FER: variants seen among roughly 807,000 people sequenced by gnomAD.
FER encodes the protein tyrosine-protein kinase Fer.
A neutral mutation model predicts 111.0 loss-of-function variants in FER; 63 were observed. The ratio of observed to expected loss-of-function variants is 0.57; its 90% CI spans 0.46 to 0.70. FER has a LOEUF of 0.70. FER is among the 30% of genes least tolerant of loss of function. FER has a pLI of 0.00. For missense variants in FER, 914 were observed against 954.0 expected (o/e 0.96, Z 0.55); for synonymous variants, 327 against 313.9 (o/e 1.04, Z -0.44).
intron 2 of FER, among the ~76,000 whole-genome samples, chr5:108,777,447 T>C (rs1753614880): frequency 6.6e-6 from 1 of 152,192 alleles, no homozygotes; most frequent in Admixed American, 6.5e-5. Flanking sequence ...CCCCAAAGAC[T>C]GTAGTTTACA....
chr5:108,865,843 C>T (rs1485241668), intron 5 of FER, among the ~76,000 whole-genome samples: 1 of 152,142 alleles, frequency 6.6e-6, no homozygotes, highest in Non-Finnish European at 1.5e-5. Flanking sequence ...AAATGCTCAC[C>T]ATCACTGGCC....
In FER at chr5:108,963,174, T is replaced by C. The variant is rs576581286; in HGVS notation, c.1656+3827T>C. On this transcript the variant is annotated intron_variant, in intron 13 of 19. Transcript: ENST00000281092. ...ATTTAAATGACACTTTTGGAAGATA[T>C]TTGCTTTGTTAAGTTTAATATTTCT... 1.3e-4 allele frequency among the ~76,000 whole-genome samples: 20 copies of C among 152,308 alleles called. No homozygotes were observed. In the East Asian group the frequency reaches 3.9e-3, roughly 29 times the overall value.
At chr5:109,168,886 CA>C in intron 17 of FER, among the ~76,000 whole-genome samples, 1 of 152,254 alleles carries the variant, frequency 6.6e-6, no homozygotes, top group Non-Finnish European at 1.5e-5. Flanking sequence ...ATAAATTTGC[CA>C]AATTCTTCCA....
chr5:108,938,658 A>G (rs993987516), intron 10 of FER, among the ~76,000 whole-genome samples: 1 of 152,006 alleles, frequency 6.6e-6, no homozygotes, highest in African/African-American at 2.4e-5. Context: ...AAGAGAGAAG[A>G]GAAGAGAAGA....
At chr5:108,763,393 G>T (rs1194766206) in intron 1 of FER, among the ~76,000 whole-genome samples, 1 of 152,148 alleles carries the variant, frequency 6.6e-6, no homozygotes, top group East Asian at 1.9e-4. Flanking sequence ...AATGTGATGA[G>T]GGCCAGGTGT....
chr5:108,906,639 G>A (rs953859072), intron 10 of FER, among the ~76,000 whole-genome samples: 3 of 151,640 alleles, frequency 2.0e-5, no homozygotes, highest in Non-Finnish European at 2.9e-5. Context: ...TTTACATGAT[G>A]CAATTTTTAT....
chr5:109,035,463 C>T (rs1192500895), intron 13 of FER, among the ~76,000 whole-genome samples: 2 of 152,156 alleles, frequency 1.3e-5, no homozygotes, highest in African/African-American at 4.8e-5. Flanking sequence ...TTGTATGCAT[C>T]TGTAGTAAGT....
intron 13 of FER, among the ~76,000 whole-genome samples, chr5:109,000,829 C>A (rs1315363661): frequency 3.3e-5 from 5 of 152,066 alleles, no homozygotes; most frequent in Non-Finnish European, 7.4e-5. Context: ...GATATCACCA[C>A]CTGTCCCACA....
chr5:108,872,556 A>G lies in FER; in HGVS notation c.923+344A>G, dbSNP rs891467919. Among the ~76,000 whole-genome samples, 3 of 152,100 alleles carry G rather than the reference A, an allele frequency of 2.0e-5. No homozygotes were observed. In the East Asian group the frequency reaches 5.8e-4, roughly 29 times the overall value. The stretch of plus-strand genomic sequence containing the variant: ...AACCATTTTGGAAATTAGGTTGTTT[A>G]CTGTTAGAGATAAGAGACTTATTGA... On this transcript the variant is annotated intron_variant, in intron 8 of 19. Transcript: ENST00000281092.
At chr5:108,772,038 GTTC>G (rs1261856809) in intron 2 of FER, among the ~76,000 whole-genome samples, 1 of 152,140 alleles carries the variant, frequency 6.6e-6, no homozygotes, top group Non-Finnish European at 1.5e-5. Flanking sequence ...GAGAAGGCTT[GTTC>G]TTCATAGTTT....
intron 16 of FER, among the ~76,000 whole-genome samples, chr5:109,064,576 A>T (rs926371572): frequency 1.1e-4 from 17 of 152,132 alleles, no homozygotes; most frequent in African/African-American, 4.1e-4. Flanking sequence ...TTAAGTTTTC[A>T]TGGTACATTT....
chr5:108,993,658 CGAGGGT>C (rs760712853), intron 13 of FER, among the ~76,000 whole-genome samples: 319 of 117,570 alleles, frequency 2.7e-3, no homozygotes, highest in African/African-American at 8.6e-3. Context: ...AGGGCGAGGG[CGAGGGT>C]GAGGGAGAGG....
At chr5:108,840,718 C>T (rs978018791) in intron 5 of FER, among the ~76,000 whole-genome samples, 4 of 152,084 alleles carry the variant, frequency 2.6e-5, no homozygotes, top group South Asian at 2.1e-4. Context: ...TCATAGATGA[C>T]GATGTATACT....
chr5:109,158,246 G>T (rs992581166), intron 17 of FER, among the ~76,000 whole-genome samples: 3 of 151,846 alleles, frequency 2.0e-5, no homozygotes, highest in Admixed American at 2.0e-4. Context: ...AGCCGGGCTT[G>T]GTGGCACATG....
chr5:109,145,930 A>G (rs564096129), intron 17 of FER, among the ~76,000 whole-genome samples: 118 of 151,640 alleles, frequency 7.8e-4, no homozygotes, highest in Admixed American at 2.5e-3. Flanking sequence ...ATTATTTAAA[A>G]AAAAAATCAA....
chr5:108,810,390 C>G (rs1038396775), intron 3 of FER, among the ~76,000 whole-genome samples: 3 of 152,196 alleles, frequency 2.0e-5, no homozygotes, highest in African/African-American at 4.8e-5. Context: ...TTTCCCTGCT[C>G]ACCTCTCCAG....
At chr5:108,774,065 C>G (rs959643431) in intron 2 of FER, among the ~76,000 whole-genome samples, 2 of 151,992 alleles carry the variant, frequency 1.3e-5, no homozygotes, top group African/African-American at 2.4e-5. Context: ...TCCTCACCCC[C>G]CAACAGGCCC....
chr5:108,987,018 T>A (rs1762647590), intron 13 of FER, among the ~76,000 whole-genome samples: 1 of 152,136 alleles, frequency 6.6e-6, no homozygotes, highest in Admixed American at 6.5e-5. Context: ...TGCATTGAAT[T>A]TGTAGATTGC....
At chr5:109,088,962 C>A (rs535959168) in intron 16 of FER, among the ~76,000 whole-genome samples, 1 of 152,212 alleles carries the variant, frequency 6.6e-6, no homozygotes, top group South Asian at 2.1e-4. Flanking sequence ...TAGTGACTCA[C>A]AAAGTTAAGA....
Sources: gnomAD v4.1 joint callset for allele counts (sites outside exome capture counted in the v4.1 genomes callset) on GRCh38, gnomAD v4.1.1 for gene constraint, MANE v1.5 for transcripts, NCBI Gene and HGNC (gene_info 2026-07-23, HGNC 2026-07-21) for gene names.